The following PDE4D variants were observed in gnomAD, a reference collection of about 807,000 sequenced individuals.
PDE4D encodes 3',5'-cyclic-AMP phosphodiesterase 4D.
PDE4D carries 24 observed loss-of-function variants against 87.4 expected under a neutral mutation model. The ratio of observed to expected loss-of-function variants is 0.27; its 90% confidence interval spans 0.20 to 0.39. The LOEUF (loss-of-function observed/expected upper bound fraction) is 0.39, where lower values mean the gene tolerates loss of function less well. Among genes scored for constraint, PDE4D ranks in the 10% least tolerant of loss-of-function variants. The pLI is 1.00. For missense variants in PDE4D, 714 were observed against 1,041.0 expected (o/e 0.69, Z 4.32); for synonymous variants, 384 against 383.2 (o/e 1.00, Z -0.02).
chr5:60,462,437 G>T (rs1378024246), intron 1 of PDE4D, among the ~76,000 whole-genome samples: 1 of 152,146 alleles, frequency 6.6e-6, no homozygotes, highest in Admixed American at 6.5e-5. Flanking sequence ...GGAATAGGTT[G>T]TGGAATAGGG....
intron 1 of PDE4D, among the ~76,000 whole-genome samples, chr5:59,740,191 G>C (rs1443241729): frequency 1.3e-5 from 2 of 152,140 alleles, no homozygotes; most frequent in African/African-American, 4.8e-5. Flanking sequence ...CCCACTTACT[G>C]TGTTAAGTGC....
intron 5 of PDE4D, among the ~76,000 whole-genome samples, chr5:59,100,574 C>T (rs1007010050): frequency 6.6e-5 from 10 of 152,248 alleles, no homozygotes; most frequent in African/African-American, 9.6e-5. Flanking sequence ...AAACTCCACT[C>T]GTGTAGAAAT....
intron 1 of PDE4D, among the ~76,000 whole-genome samples, chr5:60,317,871 G>T (rs1379534937): frequency 6.6e-6 from 1 of 152,134 alleles, no homozygotes; most frequent in Non-Finnish European, 1.5e-5. Flanking sequence ...TATAATTTCT[G>T]TTCTTTTACA....
intron 1 of PDE4D, among the ~76,000 whole-genome samples, chr5:59,829,139 T>C (rs542297573): frequency 1.6e-5 from 2 of 121,996 alleles, no homozygotes; most frequent in Non-Finnish European, 3.5e-5. Context: ...CATCATATAC[T>C]TATCTACACA....
intron 3 of PDE4D, among the ~76,000 whole-genome samples, chr5:59,932,666 C>A (rs1457344335): frequency 6.6e-6 from 1 of 152,118 alleles, no homozygotes; most frequent in African/African-American, 2.4e-5. Flanking sequence ...GATTTTATTT[C>A]TATGCACTAG....
At chr5:60,237,049 C>T (rs2149644832) in intron 1 of PDE4D, among the ~76,000 whole-genome samples, 1 of 152,042 alleles carries the variant, frequency 6.6e-6, no homozygotes, top group South Asian at 2.1e-4. Context: ...GACATCACTA[C>T]ACACCTCTTT....
chr5:60,173,094 C>T (rs185558130), intron 2 of PDE4D, among the ~76,000 whole-genome samples: 28 of 152,068 alleles, frequency 1.8e-4, no homozygotes, highest in Non-Finnish European at 3.2e-4. Flanking sequence ...AAATATGTTA[C>T]AGTTTCTCTC....
At chr5:60,091,509 AAG>A (rs1241361216) in intron 2 of PDE4D, among the ~76,000 whole-genome samples, 1 of 152,240 alleles carries the variant, frequency 6.6e-6, no homozygotes, top group African/African-American at 2.4e-5. Flanking sequence ...GATGTAGAGA[AAG>A]AGAAATGCTA....
At chr5:59,095,665 T>C (rs546127993) in intron 5 of PDE4D, among the ~76,000 whole-genome samples, 2 of 152,340 alleles carry the variant, frequency 1.3e-5, no homozygotes, top group South Asian at 4.1e-4. Flanking sequence ...ACTCGAGTTC[T>C]AGAATTACCC....
chr5:60,441,329 C>T (rs1031123083), intron 1 of PDE4D, among the ~76,000 whole-genome samples: 1 of 152,096 alleles, frequency 6.6e-6, no homozygotes, highest in Non-Finnish European at 1.5e-5. Context: ...CAAAAACAAG[C>T]AATGGGGAAA....
At position 59,136,027 on chromosome 5, in the gene PDE4D, TAA is replaced by T. The variant is rs35078554; in HGVS notation, c.808+44566_808+44567del. On this transcript the variant is annotated intron_variant, in intron 5 of 14. Transcript: ENST00000340635. ...TCAAATATTTTAAAAGACTAAATGATAAAAAAAAAAAACCCTAAACAAATTAA... is the reference window on the plus strand; with the variant it reads ...TCAAATATTTTAAAAGACTAAATGATAAAAAAAAAACCCTAAACAAATTAA... Among the ~76,000 whole-genome samples the T allele has an allele frequency of 5.6e-3, 831 of 149,366 alleles. 5 individuals carry two copies. Among genetic ancestry groups the T allele is most frequent in the African/African-American group, 0.018 (726 of 40,916 alleles).
At chr5:60,177,295 G>A (rs925231245) in intron 2 of PDE4D, among the ~76,000 whole-genome samples, 4 of 152,064 alleles carry the variant, frequency 2.6e-5, no homozygotes, top group Non-Finnish European at 4.4e-5. Flanking sequence ...AGAGCTGGTC[G>A]CTGGTCAAAG....
At chr5:59,713,547 C>G (rs1040891016) in intron 1 of PDE4D, among the ~76,000 whole-genome samples, 2 of 152,210 alleles carry the variant, frequency 1.3e-5, no homozygotes, top group African/African-American at 4.8e-5. Flanking sequence ...CACTCACCCA[C>G]TGACTCCCCT....
Position 59,807,495 on chromosome 5 carries a change from C to T in PDE4D, c.455+85673G>A, listed in dbSNP as rs1767870632. Among the ~76,000 whole-genome samples the T allele has an allele frequency of 2.0e-5, 3 of 152,276 alleles. No individual in the cohort carries two copies. The South Asian group carries it at 6.2e-4, about 32-fold the overall frequency. ...GCCAAAACGCAGGCACCTGGGCTGG[C>T]TTGTCCCCACACACACACAGAGGTG... On this transcript the variant is annotated intron_variant, in intron 1 of 14. Coordinates refer to ENST00000340635, the MANE Select transcript of PDE4D (RefSeq NM_001104631.2).
chr5:59,078,145 A>C (rs968224703), intron 5 of PDE4D, among the ~76,000 whole-genome samples: 4 of 152,214 alleles, frequency 2.6e-5, no homozygotes, highest in Non-Finnish European at 5.9e-5. Context: ...TACACAAGGA[A>C]GTATGCACGA....
At chr5:59,315,557 A>C (rs956692134) in intron 1 of PDE4D, among the ~76,000 whole-genome samples, 1 of 152,160 alleles carries the variant, frequency 6.6e-6, no homozygotes, top group African/African-American at 2.4e-5. Context: ...AATGACTGTC[A>C]TTGTGACTGT....
chr5:60,197,659 A>G (rs1379192173), intron 1 of PDE4D, among the ~76,000 whole-genome samples: 1 of 151,670 alleles, frequency 6.6e-6, no homozygotes, highest in Non-Finnish European at 1.5e-5. Flanking sequence ...CCCTCAAGCT[A>G]TCATTTCTCC....
intron 1 of PDE4D, chr5:59,276,247 A>G (rs1444769971): frequency 2.2e-6 from 1 of 458,078 alleles, no homozygotes; most frequent in Non-Finnish European, 2.9e-6. Flanking sequence ...CAAGCAGACA[A>G]GAGACCTCAC....
chr5:60,218,719 G>T (rs1744154009), intron 1 of PDE4D, among the ~76,000 whole-genome samples: 1 of 152,008 alleles, frequency 6.6e-6, no homozygotes, highest in Admixed American at 6.5e-5. Context: ...CTATTTTAGG[G>T]TTGTTTGGGG....
Sources: allele counts gnomAD v4.1 joint callset (sites outside exome capture counted in the v4.1 genomes callset), GRCh38; gene constraint gnomAD v4.1.1; transcripts MANE v1.5; gene names NCBI Gene and HGNC (gene_info 2026-07-23, HGNC 2026-07-21).